Variants in LRRC40 observed in about 807,000 individuals in gnomAD.
LRRC40 encodes leucine-rich repeat-containing protein 40.
In LRRC40, 76 loss-of-function variants were observed where a neutral mutation model predicts 72.8. The ratio of observed to expected loss-of-function variants is 1.04; its 90% CI spans 0.87 to 1.26. The LOEUF is 1.26. Among genes scored for constraint, LRRC40 ranks in the 50% most tolerant of loss-of-function variants. The pLI is 0.00. For synonymous variants in LRRC40, 243 were observed against 254.2 expected, an observed-to-expected ratio of 0.96 and a Z score of 0.42; for missense variants, 684 against 698.9, an observed-to-expected ratio of 0.98 and a Z score of 0.24.
intron 4 of LRRC40, among the ~76,000 whole-genome samples, chr1:70,182,376 T>C (rs1668265423): frequency 1.3e-5 from 2 of 152,066 alleles, no homozygotes; most frequent in South Asian, 2.1e-4. Flanking sequence ...TAATTAGTAT[T>C]GTACCAATGT....
At chr1:70,198,784 T>G (rs919622641) in intron 1 of LRRC40, among the ~76,000 whole-genome samples, 5 of 152,166 alleles carry the variant, frequency 3.3e-5, no homozygotes, top group African/African-American at 1.2e-4. Context: ...TAATAAGATT[T>G]TTCAAGTGAC....
intron 4 of LRRC40, among the ~76,000 whole-genome samples, chr1:70,183,599 T>A (rs1484909529): frequency 6.6e-6 from 1 of 152,072 alleles, no homozygotes; most frequent in Non-Finnish European, 1.5e-5. Flanking sequence ...TCATCCACGC[T>A]GGAGTGCAGT....
intron 14 of LRRC40, among the ~76,000 whole-genome samples, 200 bp from the exon 15 acceptor site, chr1:70,146,105 A>C (rs112601022): frequency 1.8e-3 from 280 of 151,856 alleles, no homozygotes; most frequent in African/African-American, 6.1e-3. Context: ...GCTTATTGCA[A>C]CCTCCACCTC....
At chr1:70,202,375 T>C (rs927907260) in intron 1 of LRRC40, among the ~76,000 whole-genome samples, 2 of 152,016 alleles carry the variant, frequency 1.3e-5, no homozygotes, top group African/African-American at 4.8e-5. Flanking sequence ...GATTAAGTCA[T>C]CAAAAATACA....
intron 1 of LRRC40, among the ~76,000 whole-genome samples, chr1:70,192,098 T>C (rs973191739): frequency 6.6e-6 from 1 of 152,214 alleles, no homozygotes; most frequent in African/African-American, 2.4e-5. Context: ...TTCCTATCCA[T>C]GAGCATAGGC....
chr1:70,188,651 G>A (rs1424625024), intron 2 of LRRC40, among the ~76,000 whole-genome samples: 1 of 152,108 alleles, frequency 6.6e-6, no homozygotes, highest in Non-Finnish European at 1.5e-5. Context: ...CAGGAGAATT[G>A]CTGGAGTCCA....
At chr1:70,160,306 G>C (rs1667728813) in intron 9 of LRRC40, among the ~76,000 whole-genome samples, 1 of 152,126 alleles carries the variant, frequency 6.6e-6, no homozygotes, top group Non-Finnish European at 1.5e-5. Flanking sequence ...ATAAACATTT[G>C]TTGAATATTA....
intron 1 of LRRC40, among the ~76,000 whole-genome samples, chr1:70,195,792 T>C (rs1019383546): frequency 2.0e-5 from 3 of 152,128 alleles, no homozygotes; most frequent in African/African-American, 2.4e-5. Context: ...TGTGCCACCA[T>C]GCCTGGCTAA....
intron 3 of LRRC40, among the ~76,000 whole-genome samples, chr1:70,186,143 G>T (rs1363041990): frequency 6.6e-6 from 1 of 152,134 alleles, no homozygotes; most frequent in Non-Finnish European, 1.5e-5. Context: ...TCTAACTGGG[G>T]AGAGAGATAA....
intron 14 of LRRC40, 150 bp from the exon 15 acceptor site, chr1:70,146,055 C>G: frequency 1.9e-6 from 1 of 525,064 alleles, no homozygotes. Context: ...GACAGAGTCT[C>G]ACTCTGTTGC....
chr1:70,152,088 T>C (rs562031547), intron 12 of LRRC40: 1 of 183,230 alleles, frequency 5.5e-6, no homozygotes, highest in East Asian at 1.6e-4. Context: ...CCCACTCAGC[T>C]GGTTTTATAC....
At chr1:70,168,951 T>C (rs962081925) in intron 9 of LRRC40, among the ~76,000 whole-genome samples, 20 of 152,284 alleles carry the variant, frequency 1.3e-4, no homozygotes, top group African/African-American at 4.3e-4. Flanking sequence ...TAAATGCCTA[T>C]GTCAAGAAAC....
chr1:70,155,907 C>T (rs1377952879), intron 10 of LRRC40, 111 bp from the exon 11 acceptor site: 3 of 457,104 alleles, frequency 6.6e-6, no homozygotes, highest in Non-Finnish European at 1.2e-5. Context: ...TTTTTCAAAG[C>T]CATTGATTAT....
At chr1:70,149,617 T>C (rs1667416124) in intron 13 of LRRC40, among the ~76,000 whole-genome samples, 1 of 152,146 alleles carries the variant, frequency 6.6e-6, no homozygotes, top group Non-Finnish European at 1.5e-5. Flanking sequence ...CAACACAATA[T>C]AAAACTGATA....
intron 1 of LRRC40, among the ~76,000 whole-genome samples, chr1:70,203,174 C>G (rs1363075910): frequency 6.6e-6 from 1 of 152,032 alleles, no homozygotes; most frequent in Non-Finnish European, 1.5e-5. Flanking sequence ...GGATTACAGG[C>G]ATGAGCTACT....
chr1:70,173,120 A>G (rs1558118807), intron 9 of LRRC40, among the ~76,000 whole-genome samples: 1 of 152,066 alleles, frequency 6.6e-6, no homozygotes, highest in Non-Finnish European at 1.5e-5. Flanking sequence ...ACTTGTCAAT[A>G]TACTTTCTAG....
chr1:70,155,712 A>G lies in LRRC40; in HGVS notation c.1305T>C (p.Asn435=), dbSNP rs1667623266. The G allele has an allele frequency of 1.3e-6, 2 of 1,557,832 alleles. No individual in the cohort carries two copies. Among genetic ancestry groups the G allele is most frequent in the African/African-American group, 2.7e-5 (2 of 73,804 alleles). Residue 435 remains asparagine, a synonymous_variant, in exon 11 of 15, where the codon AAT becomes AAC. Coordinates refer to ENST00000370952, the MANE Select transcript of LRRC40 (RefSeq NM_017768.5). ...NIVTSINFSK[N]QLCEIPKRMV... is the part of the protein sequence containing the mutation. ...ACCTTTTTGGAATTTCACATAGTTGATTCTTACTGAAGTTAATAGAAGTGA... is the reference window on the plus strand; with the variant it reads ...ACCTTTTTGGAATTTCACATAGTTGGTTCTTACTGAAGTTAATAGAAGTGA...
At chr1:70,157,684 A>G (rs1667669924) in intron 10 of LRRC40, among the ~76,000 whole-genome samples, 1 of 152,218 alleles carries the variant, frequency 6.6e-6, no homozygotes, top group Admixed American at 6.5e-5. Context: ...AGCTAAAAAA[A>G]GCCTAAGGCA....
chr1:70,149,583 C>A (rs1424230881), intron 13 of LRRC40, among the ~76,000 whole-genome samples: 1 of 152,126 alleles, frequency 6.6e-6, no homozygotes, highest in African/African-American at 2.4e-5. Flanking sequence ...ACATTACTTG[C>A]AAGGCAATTG....
Sources: allele counts gnomAD v4.1 joint callset (sites outside exome capture counted in the v4.1 genomes callset), GRCh38; gene constraint gnomAD v4.1.1; transcripts MANE v1.5; gene names NCBI Gene and HGNC (gene_info 2026-07-23, HGNC 2026-07-21).